The following GIGYF2 variants were observed in gnomAD, a reference collection of about 807,000 sequenced individuals.
GIGYF2 encodes the protein GRB10-interacting GYF protein 2.
GIGYF2 carries 25 observed loss-of-function variants against 208.1 expected under a neutral mutation model. The ratio of observed to expected loss-of-function variants is 0.12; its 90% CI spans 0.09 to 0.17. The LOEUF is 0.17. Ranked by LOEUF, GIGYF2 falls within the 10% of genes least tolerant of loss-of-function variation. GIGYF2 has a pLI of 1.00. For missense variants in GIGYF2, 1,302 were observed against 1,579.4 expected, an observed-to-expected ratio of 0.82 and a Z score of 2.98; for synonymous variants, 534 against 543.8, an observed-to-expected ratio of 0.98 and a Z score of 0.25.
chr2:232,759,591 C>T lies in GIGYF2; in HGVS notation c.380-889C>T, dbSNP rs569080912. ...TCTTGTTATTGAACAGAATAATGTCCGTGCTTAATCTGCTGTGGCATCATA... is the reference window on the plus strand; with the variant it reads ...TCTTGTTATTGAACAGAATAATGTCTGTGCTTAATCTGCTGTGGCATCATA... On this transcript the variant is annotated intron_variant, in intron 6 of 28. Coordinates refer to ENST00000373563, the MANE Select transcript of GIGYF2 (RefSeq NM_001103146.3). Among the ~76,000 whole-genome samples the T allele has an allele frequency of 5.9e-5, 9 of 151,976 alleles. No individual in the cohort carries two copies. The South Asian group carries it at 1.5e-3, about 25-fold the overall frequency.
At chr2:232,702,939 G>A (rs1466693094) in intron 1 of GIGYF2, among the ~76,000 whole-genome samples, 1 of 152,170 alleles carries the variant, frequency 6.6e-6, no homozygotes, top group Non-Finnish European at 1.5e-5. Context: ...GGGACTACAG[G>A]CATGTGCCAC....
intron 1 of GIGYF2, among the ~76,000 whole-genome samples, chr2:232,699,181 G>A (rs1472986149): frequency 1.3e-5 from 2 of 152,156 alleles, no homozygotes; most frequent in African/African-American, 4.8e-5. Context: ...ACCCAACAGA[G>A]GTGAAGGTGC....
At position 232,716,374 on chromosome 2, in the gene GIGYF2, G is replaced by GT. The variant is rs397988241; in HGVS notation, c.-44+12907dup. The stretch of plus-strand genomic sequence containing the variant: ...TTTTATCAAGATAATGGTGTTATTT[G>GT]TTTTTTTTTTTTTTTTTTTTTTGAG... On this transcript the variant is annotated intron_variant, in intron 2 of 28. Transcript: ENST00000373563. Among the ~76,000 whole-genome samples, 500 of 100,256 alleles carry GT rather than the reference G, an allele frequency of 5.0e-3. 9 individuals are homozygous for GT. Among genetic ancestry groups the GT allele is most frequent in the East Asian group, 8.5e-3 (29 of 3,416 alleles). 65.8% of individuals were successfully genotyped at this position (100,256 alleles called of 152,430 possible). A position where few individuals can be genotyped will look rare whatever the true frequency, so the allele number is the denominator to read the frequency against.
At chr2:232,712,066 G>A (rs1696443945) in intron 2 of GIGYF2, among the ~76,000 whole-genome samples, 1 of 151,886 alleles carries the variant, frequency 6.6e-6, no homozygotes, top group Admixed American at 6.6e-5. Flanking sequence ...CTAACTCATG[G>A]TGACGAATAG....
At chr2:232,711,869 G>GT (rs1011109806) in intron 2 of GIGYF2, among the ~76,000 whole-genome samples, 120 of 143,046 alleles carry the variant, frequency 8.4e-4, no homozygotes, top group African/African-American at 9.9e-4. Context: ...TCACCAGGTA[G>GT]TTTTTTTTTT....
chr2:232,804,436 GTTCT>G (rs1244014562), intron 14 of GIGYF2, among the ~76,000 whole-genome samples: 4 of 148,578 alleles, frequency 2.7e-5, no homozygotes, highest in African/African-American at 7.5e-5. Context: ...AGCTCAAGGA[GTTCT>G]TTTTGTTTTC....
At chr2:232,761,659 T>G (rs371949960) in intron 8 of GIGYF2, 2 of 371,318 alleles carry the variant, frequency 5.4e-6, no homozygotes, top group East Asian at 9.3e-5. Context: ...TTAAGGCCAA[T>G]TTGTGAACTG....
chr2:232,824,319 G>C (rs1233577014), intron 21 of GIGYF2, among the ~76,000 whole-genome samples: 1 of 152,202 alleles, frequency 6.6e-6, no homozygotes, highest in Non-Finnish European at 1.5e-5. Flanking sequence ...AGGACCCCCT[G>C]TGCCAGTTAG....
chr2:232,757,951 CAT>C (rs1481759026), intron 6 of GIGYF2, among the ~76,000 whole-genome samples: 1 of 152,096 alleles, frequency 6.6e-6, no homozygotes, highest in Non-Finnish European at 1.5e-5. Flanking sequence ...ATAGATGTGA[CAT>C]ATGTAAGAAG....
chr2:232,843,596 G>C (rs1484361380), intron 23 of GIGYF2, among the ~76,000 whole-genome samples: 1 of 148,090 alleles, frequency 6.8e-6, no homozygotes, highest in African/African-American at 2.5e-5. Context: ...TTCTGAGGCC[G>C]GGCACTGTGG....
intron 2 of GIGYF2, among the ~76,000 whole-genome samples, chr2:232,723,838 T>G (rs2106277354): frequency 6.7e-6 from 1 of 150,034 alleles, no homozygotes; most frequent in Non-Finnish European, 1.5e-5. Flanking sequence ...GTTCAAGTGA[T>G]TCTCCTGCCT....
intron 16 of GIGYF2, 93 bp downstream of exon 16, chr2:232,809,904 A>G (rs2106383428): frequency 1.2e-6 from 1 of 801,590 alleles, no homozygotes; most frequent in Non-Finnish European, 2.2e-6. Context: ...AGTAGAGAGG[A>G]CTAACGGCTT....
intron 8 of GIGYF2, among the ~76,000 whole-genome samples, chr2:232,775,047 CG>C (rs546519452): frequency 2.2e-4 from 34 of 151,748 alleles, no homozygotes; most frequent in Non-Finnish European, 3.2e-4. Context: ...GGCTGATAAT[CG>C]GAACAGTTAA....
At position 232,857,109 on chromosome 2, in the gene GIGYF2, C is replaced by G. The variant is rs1305920145; in HGVS notation, c.*249C>G. On this transcript the variant is annotated 3_prime_UTR_variant, in exon 29 of 29. Transcript: ENST00000373563. ...TGGGGGTGGCAGTTGGGATTACTCC[C>G]CAACAAGGCTGATTTTAGGCAGCAT... The G allele has an allele frequency of 8.9e-6, 5 of 563,186 alleles. No individual in the cohort carries two copies. In the African/African-American group the frequency reaches 9.4e-5, roughly 11 times the overall value. 34.9% of individuals were successfully genotyped at this position (563,186 alleles called of 1,614,324 possible).
chr2:232,704,397 T>A (rs1424059424), intron 2 of GIGYF2, among the ~76,000 whole-genome samples: 1 of 152,312 alleles, frequency 6.6e-6, no homozygotes, highest in South Asian at 2.1e-4. Flanking sequence ...TTATTAGTGC[T>A]GTTTTTTGTT....
intron 2 of GIGYF2, among the ~76,000 whole-genome samples, chr2:232,718,110 C>T (rs894908890): frequency 1.3e-5 from 2 of 151,912 alleles, no homozygotes; most frequent in Admixed American, 6.6e-5. Flanking sequence ...TTTTTTGAGA[C>T]GAATTCTCAC....
At chr2:232,796,451 C>A (rs946559118) in intron 14 of GIGYF2, among the ~76,000 whole-genome samples, 153 of 152,320 alleles carry the variant, frequency 1.0e-3, no homozygotes, top group African/African-American at 3.4e-3. Context: ...ATCTGAAAAT[C>A]CAAATTCCAT....
chr2:232,733,223 C>CT (rs950448801), intron 2 of GIGYF2, among the ~76,000 whole-genome samples: 1 of 147,548 alleles, frequency 6.8e-6, no homozygotes, highest in African/African-American at 2.5e-5. Flanking sequence ...CGCCACTGTA[C>CT]TCCAGCCTGG....
At chr2:232,792,111 G>T (rs1468240075) in intron 12 of GIGYF2, among the ~76,000 whole-genome samples, 2 of 152,078 alleles carry the variant, frequency 1.3e-5, no homozygotes, top group African/African-American at 4.8e-5. Flanking sequence ...GCTTCCCTTT[G>T]TGCAGTTTCA....
Sources: gnomAD v4.1 joint callset for allele counts (sites outside exome capture counted in the v4.1 genomes callset) on GRCh38, gnomAD v4.1.1 for gene constraint, MANE v1.5 for transcripts, NCBI Gene and HGNC (gene_info 2026-07-23, HGNC 2026-07-21) for gene names.